RNF212B: variants seen among roughly 807,000 people sequenced by gnomAD.
The protein encoded by RNF212B is E3 ubiquitin-protein ligase RNF212B.
In RNF212B, 52 loss-of-function variants were observed where a neutral mutation model predicts 55.5. The observed-to-expected ratio is 0.94, with a 90% CI of 0.75 to 1.18. The LOEUF is 1.18. RNF212B is among the 50% of genes most tolerant of loss of function. The pLI, the probability that RNF212B is intolerant of heterozygous loss-of-function variation, is 0.00. For missense variants in RNF212B, 289 were observed against 350.4 expected, an observed-to-expected ratio of 0.82 and a Z score of 1.40; for synonymous variants, 99 against 121.4, an observed-to-expected ratio of 0.82 and a Z score of 1.21.
chr14:23,191,120 G>A (rs1332454286), intron 1 of RNF212B, among the ~76,000 whole-genome samples: 3 of 152,122 alleles, frequency 2.0e-5, no homozygotes, highest in South Asian at 4.1e-4. Context: ...TTGGGAGGCC[G>A]AGGTGGGTGG....
intron 4 of RNF212B, among the ~76,000 whole-genome samples, chr14:23,257,211 C>T (rs970597884): frequency 6.6e-6 from 1 of 152,026 alleles, no homozygotes; most frequent in African/African-American, 2.4e-5. Context: ...GAGACAGGGT[C>T]TTGCTATGTT....
chr14:23,259,133 G>C (rs1206804154), intron 5 of RNF212B, among the ~76,000 whole-genome samples: 2 of 151,798 alleles, frequency 1.3e-5, no homozygotes, highest in Non-Finnish European at 2.9e-5. Context: ...CTGAGTTACA[G>C]TGAGCTATGA....
intron 2 of RNF212B, among the ~76,000 whole-genome samples, chr14:23,223,127 G>A (rs568628381): frequency 3.3e-5 from 5 of 151,702 alleles, no homozygotes; most frequent in Non-Finnish European, 7.4e-5. Context: ...TGCAAGGATG[G>A]TTCAGATATG....
intron 2 of RNF212B, among the ~76,000 whole-genome samples, chr14:23,228,462 C>CAAAAAAAAAAAAAAAAAAAAAAA: frequency 1.3e-5 from 1 of 76,100 alleles, no homozygotes. Flanking sequence ...CTATCTCTAC[C>CAAAAAAAAAAAAAAAAAAAAAAA]AAAAAAAAAA....
At chr14:23,200,688 GA>G (rs1410944508) in intron 2 of RNF212B, among the ~76,000 whole-genome samples, 1 of 152,110 alleles carries the variant, frequency 6.6e-6, no homozygotes, top group Non-Finnish European at 1.5e-5. Context: ...GTCAGAAAGT[GA>G]TATTCTTTAC....
chr14:23,218,121 C>A lies in RNF212B; in HGVS notation c.-1-22224C>A, dbSNP rs569554253. On this transcript the variant is annotated intron_variant, in intron 2 of 15. Coordinates refer to the RNF212B transcript ENST00000399910. The stretch of plus-strand genomic sequence containing the variant: ...CTGTGGCTCATGCCTGTAATCCTAG[C>A]ACTTTGGGAGGCTGAGGTGGGCGGA... 2.0e-5 allele frequency among the ~76,000 whole-genome samples: 3 copies of A among 152,100 alleles called. No homozygotes were observed. The East Asian group carries it at 5.8e-4, about 30-fold the overall frequency.
At chr14:23,270,226 C>T (rs907349709) in intron 13 of RNF212B, among the ~76,000 whole-genome samples, 1 of 152,158 alleles carries the variant, frequency 6.6e-6, no homozygotes, top group Non-Finnish European at 1.5e-5. Context: ...ACTGGCTTCT[C>T]AAAAGTCCCT....
chr14:23,200,589 G>A (rs1200696073), intron 2 of RNF212B, among the ~76,000 whole-genome samples: 3 of 152,108 alleles, frequency 2.0e-5, no homozygotes, highest in East Asian at 1.9e-4. Context: ...GCCTCCCAAA[G>A]TGCTGGGATT....
At chr14:23,231,988 A>C (rs895106762) in intron 2 of RNF212B, among the ~76,000 whole-genome samples, 5 of 152,266 alleles carry the variant, frequency 3.3e-5, no homozygotes, top group East Asian at 1.9e-4. Context: ...GATCTTGGCT[A>C]GCTACAGCCT....
chr14:23,191,713 C>T (rs1299759843), intron 1 of RNF212B, among the ~76,000 whole-genome samples: 1 of 151,998 alleles, frequency 6.6e-6, no homozygotes, highest in East Asian at 1.9e-4. Context: ...GGGTAATAGT[C>T]CATTAGACTG....
intron 14 of RNF212B, 37 bp downstream of exon 14, chr14:23,270,698 A>G: frequency 7.0e-7 from 1 of 1,421,532 alleles, no homozygotes; most frequent in African/African-American, 1.4e-5. Context: ...TGTGCATAAA[A>G]TCTCACATGG....
At chr14:23,226,296 C>CAA (rs71119005) in intron 2 of RNF212B, among the ~76,000 whole-genome samples, 23 of 75,914 alleles carry the variant, frequency 3.0e-4, no homozygotes, top group Admixed American at 6.9e-4. Context: ...GAAACCGTCT[C>CAA]AAAAAAAAAA....
intron 4 of RNF212B, among the ~76,000 whole-genome samples, chr14:23,248,004 A>G (rs1265155505): frequency 6.6e-6 from 1 of 152,202 alleles, no homozygotes; most frequent in Non-Finnish European, 1.5e-5. Context: ...ACATCAAGGC[A>G]CTAACAGATT....
intron 2 of RNF212B, among the ~76,000 whole-genome samples, chr14:23,241,809 C>T (rs1883590048): frequency 6.6e-6 from 1 of 151,706 alleles, no homozygotes; most frequent in Admixed American, 6.6e-5. Context: ...CCTGGCCGGG[C>T]GCAGTGGCTC....
intron 2 of RNF212B, among the ~76,000 whole-genome samples, chr14:23,220,886 C>T (rs1336846765): frequency 6.6e-6 from 1 of 150,382 alleles, no homozygotes. Flanking sequence ...TTAAAGCATA[C>T]CACCAGAGAA....
chr14:23,267,185 C>T (rs774382738), intron 11 of RNF212B, among the ~76,000 whole-genome samples: 7 of 151,956 alleles, frequency 4.6e-5, no homozygotes, highest in Non-Finnish European at 8.8e-5. Flanking sequence ...TCTCCCTGTT[C>T]TGCCCTGGCT....
chr14:23,190,232 TA>T (rs1281013792), intron 1 of RNF212B, among the ~76,000 whole-genome samples: 1 of 152,184 alleles, frequency 6.6e-6, no homozygotes, highest in Non-Finnish European at 1.5e-5. Context: ...GTAGCAACTC[TA>T]TACTGATATT....
At chr14:23,225,548 G>C (rs552302057) in intron 2 of RNF212B, among the ~76,000 whole-genome samples, 1 of 152,210 alleles carries the variant, frequency 6.6e-6, no homozygotes, top group Non-Finnish European at 1.5e-5. Flanking sequence ...AGTGAAAAAA[G>C]CCAGGCACAG....
At chr14:23,214,464 G>A (rs111749220) in intron 2 of RNF212B, among the ~76,000 whole-genome samples, 3,212 of 151,770 alleles carry the variant, frequency 0.021, 110 homozygotes, top group African/African-American at 0.072. Context: ...AATGTACTCC[G>A]GCCTGGGCAA....
Sources: allele counts gnomAD v4.1 joint callset (sites outside exome capture counted in the v4.1 genomes callset), GRCh38; gene constraint gnomAD v4.1.1; transcripts MANE v1.5; gene names NCBI Gene and HGNC (gene_info 2026-07-23, HGNC 2026-07-21).